Variants in CAPN15 observed in about 807,000 individuals in gnomAD.
The protein encoded by CAPN15 is calpain-15.
A neutral mutation model predicts 97.9 loss-of-function variants in CAPN15; 53 were observed. The ratio of observed to expected loss-of-function variants is 0.54; its 90% confidence interval spans 0.43 to 0.68. The LOEUF is 0.68. Ranked by LOEUF, CAPN15 falls within the 30% of genes least tolerant of loss-of-function variation. The pLI, the probability that CAPN15 is intolerant of heterozygous loss-of-function variation, is 0.00. For missense variants in CAPN15, 1,592 were observed against 1,589.8 expected (o/e 1.00, Z -0.02); for synonymous variants, 922 against 722.5 (o/e 1.28, Z -4.43).
chr16:532,375 G>A (rs1459837311), intron 1 of CAPN15, among the ~76,000 whole-genome samples: 5 of 147,462 alleles, frequency 3.4e-5, no homozygotes, highest in Non-Finnish European at 7.5e-5. Context: ...CCAACGTGAC[G>A]AAACCCCCAT....
Position 553,600 on chromosome 16 carries a change from G to T in CAPN15, c.*84G>T, listed in dbSNP as rs1051757217. 5.9e-6 allele frequency: 5 copies of T among 846,664 alleles called. No homozygotes were observed. Among genetic ancestry groups the T allele is most frequent in the Middle Eastern group, 3.6e-4 (1 of 2,740 alleles). The allele number at this position is 846,664 out of a possible 1,614,324, so 52.4% of individuals were successfully genotyped here. On this transcript the variant is annotated 3_prime_UTR_variant, in exon 14 of 14. Transcript: ENST00000219611. ...TATGAGGGAGACCCCGACAGAGGACGCTTGAGCCAGAATCTCAGGACCCCG... is the reference window on the plus strand; with the variant it reads ...TATGAGGGAGACCCCGACAGAGGACTCTTGAGCCAGAATCTCAGGACCCCG...
Position 553,387 on chromosome 16 carries a change from T to C in CAPN15, c.3132T>C (p.Ser1044=). The change falls in exon 14 of 14, where the codon TCT becomes TCC. Residue 1044 remains serine (S), a synonymous_variant. Coordinates refer to ENST00000219611, the MANE Select transcript of CAPN15 (RefSeq NM_005632.3). The part of the protein sequence containing the change: ...LSQLEGNAGF[S]ITHRLAHRKA... ...AGCTAGAGGGCAACGCCGGCTTCTC[T>C]ATCACCCACCGCCTGGCACATCGCA... is the stretch of plus-strand genomic sequence containing the variant. The C allele has an allele frequency of 6.2e-7, 1 of 1,606,172 alleles. No homozygotes were observed. Among genetic ancestry groups the C allele is most frequent in the Non-Finnish European group, 8.5e-7 (1 of 1,177,424 alleles).
In CAPN15 at chr16:547,817, G is replaced by T; in HGVS notation, c.979G>T (p.Asp327Tyr). The part of the protein sequence containing the change: ...SGSDIIDLAG[D>Y]TVRYTPASPS... The stretch of plus-strand genomic sequence containing the variant: ...CAGTGACATCATTGACCTGGCCGGA[G>T]ACACCGTGCGTTACACGCCCGCCAG... The change falls in exon 4 of 14, where the codon GAC becomes TAC. Residue 327 changes from aspartate to tyrosine, a missense_variant. Transcript: ENST00000219611. 6.2e-7 allele frequency: 1 copy of T among 1,611,752 alleles called. No individual in the cohort carries two copies. Among genetic ancestry groups the T allele is most frequent in the South Asian group, 1.1e-5 (1 of 90,972 alleles).
intron 1 of CAPN15, chr16:528,667 C>A: frequency 1.0e-6 from 1 of 954,208 alleles, no homozygotes; most frequent in Non-Finnish European, 1.2e-6. Context: ...TGGCCCTGGC[C>A]GGGCGAGCTC....
chr16:534,232 A>G (rs112771893), intron 2 of CAPN15, among the ~76,000 whole-genome samples: 3,481 of 38,412 alleles, frequency 0.091, 31 homozygotes, highest in African/African-American at 0.25. Context: ...GGGTCCCGAC[A>G]GGGGTGTTTG....
intron 3 of CAPN15, chr16:538,925 C>T (rs1415915425): frequency 1.3e-5 from 2 of 150,884 alleles, no homozygotes; most frequent in Non-Finnish European, 3.0e-5. Flanking sequence ...CCCTGAGCTC[C>T]AAAGGATATG....
chr16:552,949 C>T lies in CAPN15; in HGVS notation c.2991C>T (p.Tyr997=). The T allele has an allele frequency of 6.2e-7, 1 of 1,611,974 alleles. No homozygotes were observed. Among genetic ancestry groups the T allele is most frequent in the South Asian group, 1.1e-5 (1 of 91,070 alleles). ...TGGAGAACCGACACCCCAAGGCCTA[C>T]CTGCACGTGCAGTGTGACTGCACCG... ...VVVENRHPKA[Y]LHVQCDCTDS... Residue 997 remains tyrosine, a synonymous_variant, in exon 13 of 14, where the codon TAC becomes TAT. Transcript: ENST00000219611. The surrounding 1 kb of genome is among the most constrained non-coding windows in gnomAD (Gnocchi z 6.4).
At position 537,135 on chromosome 16, in the gene CAPN15, G is replaced by T. The variant is rs866946972; in HGVS notation, c.-23+993G>T. On this transcript the variant is annotated intron_variant, in intron 3 of 13. Coordinates refer to ENST00000219611, the MANE Select transcript of CAPN15 (RefSeq NM_005632.3). ...AGGGACGTTTGCTTTTCTCTGCAGG[G>T]TCCTCTCTTCTCTTCCGAGCACCCA... 7.1e-6 allele frequency: 7 copies of T among 985,508 alleles called. No individual in the cohort carries two copies. In the African/African-American group the frequency reaches 1.2e-4, roughly 17 times the overall value. 61.0% of individuals were successfully genotyped at this position (985,508 alleles called of 1,614,324 possible). A position where few individuals can be genotyped will look rare whatever the true frequency, so the allele number is the denominator to read the frequency against.
chr16:531,605 C>T (rs910712975), intron 1 of CAPN15, among the ~76,000 whole-genome samples: 24 of 145,640 alleles, frequency 1.6e-4, no homozygotes, highest in African/African-American at 5.7e-4. Flanking sequence ...CCAAGGCCCC[C>T]GTCTCCTTCT....
At chr16:544,106 T>C (rs2034359734) in intron 3 of CAPN15, among the ~76,000 whole-genome samples, 1 of 151,076 alleles carries the variant, frequency 6.6e-6, no homozygotes, top group African/African-American at 2.5e-5. Flanking sequence ...GCAACAAGGG[T>C]AGACCCCCCC....
chr16:531,340 G>A (rs756054164), intron 1 of CAPN15, among the ~76,000 whole-genome samples: 1 of 152,162 alleles, frequency 6.6e-6, no homozygotes, highest in Non-Finnish European at 1.5e-5. Flanking sequence ...TGGGACTACA[G>A]GTGGGCGCCA....
At chr16:537,095 T>C in intron 3 of CAPN15, 4 of 975,166 alleles carry the variant, frequency 4.1e-6, no homozygotes, top group Non-Finnish European at 4.9e-6. Flanking sequence ...GAGCCAGCTG[T>C]CCAGCCTCTG....
chr16:552,847 C>T lies in CAPN15; in HGVS notation c.2905-16C>T. ...CAGCACCTCCCCTGCCCCACAACTGCCATTCCTGTGCCCAGGGCCGTGAGG... is the reference window on the plus strand; with the variant it reads ...CAGCACCTCCCCTGCCCCACAACTGTCATTCCTGTGCCCAGGGCCGTGAGG... On this transcript the variant is annotated splice_polypyrimidine_tract_variant and intron_variant, in intron 12 of 13. Transcript: ENST00000219611. The surrounding 1 kb of genome is among the most constrained non-coding windows in gnomAD (Gnocchi z 6.4). The T allele has an allele frequency of 6.3e-7, 1 of 1,585,870 alleles. No individual in the cohort carries two copies. Among genetic ancestry groups the T allele is most frequent in the Non-Finnish European group, 8.6e-7 (1 of 1,163,202 alleles).
chr16:543,208 G>A (rs577558722), intron 3 of CAPN15: 75 of 154,592 alleles, frequency 4.9e-4, no homozygotes, highest in African/African-American at 1.7e-3. Flanking sequence ...TCCCTTTCTC[G>A]TTTTCCAGAG....
chr16:551,844 A>G (rs879427891), intron 9 of CAPN15, 180 bp downstream of exon 9: 3 of 982,366 alleles, frequency 3.1e-6, no homozygotes, highest in Non-Finnish European at 4.7e-6. Flanking sequence ...CACCCAGGTC[A>G]GCAGATTCCA....
In CAPN15 at chr16:549,437, C is replaced by T; in HGVS notation, c.1808C>T (p.Pro603Leu). The T allele has an allele frequency of 6.3e-7, 1 of 1,599,216 alleles. No homozygotes were observed. The stretch of plus-strand genomic sequence containing the variant: ...ACGGTGCTGGTGGACGACATGCTGC[C>T]CTGTGATGAGGCCGGCTGCCTCCTC... Reference protein sequence around the residue: ...WTTVLVDDMLPCDEAGCLLFS... With the variant: ...WTTVLVDDMLLCDEAGCLLFS... The change falls in exon 6 of 14, where the codon CCC (proline) becomes CTC (leucine). Residue 603 changes from proline (P) to leucine (L), a missense_variant. By Grantham distance (98) the Pro-to-Leu change is moderately conservative. Transcript: ENST00000219611.
chr16:541,321 C>T (rs769493571), intron 3 of CAPN15, among the ~76,000 whole-genome samples: 10 of 152,316 alleles, frequency 6.6e-5, no homozygotes, highest in Non-Finnish European at 1.5e-4. Flanking sequence ...CCCTGGAGCC[C>T]TGTCTGCGAG....
chr16:550,486 C>T lies in CAPN15; in HGVS notation c.2066+648C>T, dbSNP rs115530367. On this transcript the variant is annotated intron_variant, in intron 7 of 13. Transcript: ENST00000219611. The stretch of plus-strand genomic sequence containing the variant: ...TCCCTACAGGCAGGAGTGGGCCCTT[C>T]TCTGCTGCGCCTGCCTGTCTTGGTG... Among the ~76,000 whole-genome samples, 1,042 of 152,362 alleles carry T rather than the reference C, an allele frequency of 6.8e-3. 19 individuals are homozygous for T. Among genetic ancestry groups the T allele is most frequent in the African/African-American group, 0.024 (992 of 41,580 alleles).
intron 7 of CAPN15, 29 bp downstream of exon 7, chr16:549,867 C>G (rs763478396): frequency 6.6e-7 from 1 of 1,516,864 alleles, no homozygotes; most frequent in African/African-American, 1.4e-5. Flanking sequence ...CGTGGTCAGC[C>G]GCGTTGGGAG....
Sources: allele counts gnomAD v4.1 joint callset (sites outside exome capture counted in the v4.1 genomes callset), GRCh38; gene constraint gnomAD v4.1.1; non-coding constraint Gnocchi (gnomAD v3.1); transcripts MANE v1.5; gene names NCBI Gene and HGNC (gene_info 2026-07-23, HGNC 2026-07-21).